The following CHFR variants were observed in gnomAD, a reference collection of about 807,000 sequenced individuals.
CHFR encodes the protein checkpoint with forkhead and ring finger domains, also known as E3 ubiquitin-protein ligase CHFR.
In CHFR, 57 loss-of-function variants were observed where a neutral mutation model predicts 87.6. That is an observed-to-expected ratio of 0.65 (90% CI 0.53 to 0.81). The LOEUF (loss-of-function observed/expected upper bound fraction) is 0.81. Among genes scored for constraint, CHFR ranks in the 30% least tolerant of loss-of-function variants. The pLI is 0.00. For synonymous variants in CHFR, 381 were observed against 359.2 expected, an observed-to-expected ratio of 1.06 and a Z score of -0.69; for missense variants, 797 against 865.8, an observed-to-expected ratio of 0.92 and a Z score of 1.00.
At chr12:132,871,250 G>A (rs899968270) in intron 4 of CHFR, among the ~76,000 whole-genome samples, 1 of 152,022 alleles carries the variant, frequency 6.6e-6, no homozygotes, top group African/African-American at 2.4e-5. Flanking sequence ...TCCCAAGTTC[G>A]AGACCAGCCT....
chr12:132,861,692 G>A (rs1448181928), intron 6 of CHFR, 58 bp from the exon 7 acceptor site: 3 of 1,516,324 alleles, frequency 2.0e-6, no homozygotes, highest in Admixed American at 1.8e-5. Flanking sequence ...AGAGAACCAT[G>A]CCTGTAAGGT....
chr12:132,864,561 T>A (rs1951291894), intron 6 of CHFR, among the ~76,000 whole-genome samples: 1 of 152,224 alleles, frequency 6.6e-6, no homozygotes, highest in Non-Finnish European at 1.5e-5. Context: ...GGATATTGGC[T>A]CACTGCAACC....
rs75340219 is a variant in CHFR, at chr12:132,841,713, A to G, written c.1917-117T>C. 8.1e-3 allele frequency: 6,783 copies of G among 834,096 alleles called. 283 individuals carry two copies. The African/African-American group carries it at 0.098, about 12-fold the overall frequency. 51.7% of individuals were successfully genotyped at this position (834,096 alleles called of 1,614,324 possible). A position where few individuals can be genotyped will look rare whatever the true frequency, so the allele number is the denominator to read the frequency against. On this transcript the variant is annotated intron_variant, in intron 17 of 17. Coordinates refer to ENST00000450056, the MANE Select transcript of CHFR (RefSeq NM_001161346.2). ...AAACGCATTCGGAAACCATACACAG[A>G]AAGAGCTACCTGAGAAAGAGTGTGT...
At chr12:132,847,697 A>G in intron 14 of CHFR, 2 of 1,112,340 alleles carry the variant, frequency 1.8e-6, no homozygotes, top group Non-Finnish European at 2.2e-6. Context: ...GTAGCTTCCT[A>G]GACGTGGGAA....
intron 10 of CHFR, 29 bp from the exon 11 acceptor site, chr12:132,853,602 T>C (rs574255301): frequency 3.1e-5 from 47 of 1,509,798 alleles, no homozygotes; most frequent in Non-Finnish European, 3.9e-5. Flanking sequence ...CCGAGCTGTG[T>C]GCAGGCCCCA....
intron 2 of CHFR, among the ~76,000 whole-genome samples, chr12:132,886,763 T>C (rs1227694790): frequency 6.6e-6 from 1 of 152,230 alleles, no homozygotes; most frequent in Non-Finnish European, 1.5e-5. Context: ...CCTTTTGGTG[T>C]ATTCTATTTT....
chr12:132,881,709 T>C (rs575439567), intron 2 of CHFR, among the ~76,000 whole-genome samples: 3 of 151,494 alleles, frequency 2.0e-5, no homozygotes, highest in East Asian at 3.9e-4. Context: ...CTACTAAAGA[T>C]ACAAAAAAAT....
chr12:132,861,671 T>C (rs1364936773), intron 6 of CHFR, 37 bp from the exon 7 acceptor site: 4 of 1,600,214 alleles, frequency 2.5e-6, no homozygotes, highest in Admixed American at 1.7e-5. Context: ...TGCTGATCCA[T>C]CCAGCTCAGG....
chr12:132,856,809 A>C, intron 9 of CHFR, 179 bp from the exon 10 acceptor site: 1 of 696,336 alleles, frequency 1.4e-6, no homozygotes. Flanking sequence ...GCTGGTGTGG[A>C]TGCCCTCACG....
intron 2 of CHFR, chr12:132,883,044 A>C (rs758859251): frequency 1.3e-5 from 2 of 152,096 alleles, no homozygotes; most frequent in Non-Finnish European, 2.9e-5. Context: ...GCTTTGTGCT[A>C]AAGTTCTATT....
At chr12:132,870,050 A>G (rs1951449199) in intron 5 of CHFR, among the ~76,000 whole-genome samples, 1 of 152,068 alleles carries the variant, frequency 6.6e-6, no homozygotes. Context: ...CTCTACTAAA[A>G]ATATAAAAAT....
intron 2 of CHFR, among the ~76,000 whole-genome samples, chr12:132,879,486 G>A (rs897886651): frequency 6.6e-5 from 10 of 151,680 alleles, no homozygotes; most frequent in Non-Finnish European, 1.2e-4. Context: ...TGCCTCCCGG[G>A]TTCAAGCGAT....
intron 6 of CHFR, 54 bp from the exon 7 acceptor site, chr12:132,861,688 C>G (rs2306542): frequency 0.29 from 454,699 of 1,554,624 alleles, 68,854 homozygotes; most frequent in Middle Eastern, 0.4. Flanking sequence ...CAGGAGAGAA[C>G]CATGCCTGTA....
In CHFR at chr12:132,881,846, C is replaced by A. The variant is rs1951776702; in HGVS notation, c.134-4192G>T. Among the ~76,000 whole-genome samples, 4 of 130,556 alleles carry A rather than the reference C, an allele frequency of 3.1e-5. No individual in the cohort carries two copies. In the South Asian group the frequency reaches 1.0e-3, roughly 34 times the overall value. The allele number at this position is 130,556 out of a possible 152,430, so 85.6% of individuals were successfully genotyped here. On this transcript the variant is annotated intron_variant, in intron 2 of 17. Coordinates refer to ENST00000450056, the MANE Select transcript of CHFR (RefSeq NM_001161346.2). ...TTGCGCCACTGCAAATCCAGCCTGG[C>A]GACAGGGCAAGACGCTGTCTCAAAA...
At position 132,838,308 on chromosome 12, in the gene CHFR, G is replaced by A. The variant is rs545133440; in HGVS notation, c.*3246C>T. The A allele has an allele frequency of 2.0e-5, 3 of 152,282 alleles. No individual in the cohort carries two copies. Among genetic ancestry groups the A allele is most frequent in the Non-Finnish European group, 4.4e-5 (3 of 68,088 alleles). 9.4% of individuals were successfully genotyped at this position (152,282 alleles called of 1,614,324 possible). Reference sequence around the variant, plus strand: ...CCTTTGTAGCTGGCCTAGGGAGGAGGGTTGGCCTGAATCCCTCAGTCTGTT... The same window carrying A: ...CCTTTGTAGCTGGCCTAGGGAGGAGAGTTGGCCTGAATCCCTCAGTCTGTT... On this transcript the variant is annotated 3_prime_UTR_variant, in exon 18 of 18. Coordinates refer to ENST00000450056, the MANE Select transcript of CHFR (RefSeq NM_001161346.2).
At position 132,851,691 on chromosome 12, in the gene CHFR, G is replaced by A. The variant is rs768361418; in HGVS notation, c.1419C>T (p.Cys473=). The change falls in exon 12 of 18, where the codon TGC becomes TGT. Residue 473 remains cysteine, a synonymous_variant. Transcript: ENST00000450056. The part of the protein sequence containing the change: ...VCPLQGSHAL[C]TCCFQPMPDR... ...CGGGCATGGGCTGGAAGCAGCAGGT[G>A]CACAGGGCGTGGCTTCCTTGCAGAG... The A allele has an allele frequency of 2.5e-6, 4 of 1,613,326 alleles. No homozygotes were observed. In the African/African-American group the frequency reaches 5.3e-5, roughly 22 times the overall value.
rs758025460 is a variant in CHFR at position 132,844,111 on chromosome 12, C to T, written c.1759G>A (p.Val587Ile). 36 of 1,612,802 alleles carry T rather than the reference C, an allele frequency of 2.2e-5. No individual in the cohort carries two copies. Among genetic ancestry groups the T allele is most frequent in the African/African-American group, 1.1e-4 (8 of 74,868 alleles). ...LSDYRVTGDTVLCYCCGLRSF... is the reference protein window; with the variant it reads ...LSDYRVTGDTILCYCCGLRSF... ...CGCAGGCCACAGCAGTAACACAGAA[C>T]GGTGTCTCCCGTGACTCTGTAATCT... is the stretch of plus-strand genomic sequence containing the variant. The change falls in exon 16 of 18, where the codon GTT becomes ATT. Residue 587 changes from valine to isoleucine, a missense_variant. By Grantham distance (29) the Val-to-Ile change is conservative. Around this residue, in one of 2 missense-constraint regions of CHFR, gnomAD observed 200 missense variants for 264.6 expected, o/e 0.76. Coordinates refer to ENST00000450056, the MANE Select transcript of CHFR (RefSeq NM_001161346.2).
intron 2 of CHFR, among the ~76,000 whole-genome samples, chr12:132,886,233 C>T (rs1951890109): frequency 6.6e-6 from 1 of 152,056 alleles, no homozygotes; most frequent in Admixed American, 6.6e-5. Context: ...ATCACTTGAA[C>T]CGGGAGGCAG....
intron 16 of CHFR, 119 bp downstream of exon 16, chr12:132,843,908 C>G (rs1950753802): frequency 1.6e-6 from 1 of 607,880 alleles, no homozygotes; most frequent in East Asian, 3.0e-5. Context: ...GAGATTGCAC[C>G]ACTGCACTCC....
Sources: allele counts gnomAD v4.1 joint callset (sites outside exome capture counted in the v4.1 genomes callset), GRCh38; gene constraint gnomAD v4.1.1; regional missense constraint gnomAD v4.1.1; transcripts MANE v1.5; gene names NCBI Gene and HGNC (gene_info 2026-07-23, HGNC 2026-07-21).